LRRC8C: variants seen among roughly 807,000 people sequenced by gnomAD.
The protein encoded by LRRC8C is volume-regulated anion channel subunit LRRC8C.
Under a neutral mutation model 55.3 loss-of-function variants are expected in LRRC8C, and 20 were observed. The observed-to-expected ratio is 0.36, with a 90% CI of 0.25 to 0.53. LRRC8C has a LOEUF of 0.53. Ranked by LOEUF, LRRC8C falls within the 20% of genes least tolerant of loss-of-function variation. The pLI is 0.92. For synonymous variants in LRRC8C, 376 were observed against 360.7 expected, an observed-to-expected ratio of 1.04 and a Z score of -0.48; for missense variants, 659 against 951.4, an observed-to-expected ratio of 0.69 and a Z score of 4.04.
chr1:89,702,269 C>T (rs1056980148), intron 2 of LRRC8C, among the ~76,000 whole-genome samples: 59 of 151,676 alleles, frequency 3.9e-4, no homozygotes, highest in African/African-American at 1.4e-3. Flanking sequence ...TACACCTACT[C>T]AGGATGCGTC....
At chr1:89,624,431 G>A in the LRRC8C span, among the ~76,000 whole-genome samples, 1 of 152,158 alleles carries the variant, frequency 6.6e-6, no homozygotes, top group Non-Finnish European at 1.5e-5. Flanking sequence ...TTCTATATCA[G>A]TTTCAGCTAT....
At chr1:89,706,940 T>C (rs1451267000) in intron 2 of LRRC8C, among the ~76,000 whole-genome samples, 2 of 152,206 alleles carry the variant, frequency 1.3e-5, no homozygotes, top group African/African-American at 4.8e-5. Context: ...ATCCAAATTT[T>C]AGTGAATCCA....
intron 2 of LRRC8C, among the ~76,000 whole-genome samples, chr1:89,696,898 C>A (rs1658189732): frequency 6.6e-6 from 1 of 152,172 alleles, no homozygotes; most frequent in African/African-American, 2.4e-5. Flanking sequence ...AGATGAAATT[C>A]TCCCTCTATA....
intron 1 of LRRC8C, among the ~76,000 whole-genome samples, chr1:89,660,302 A>T (rs1302342794): frequency 6.6e-6 from 1 of 152,168 alleles, no homozygotes. Flanking sequence ...TTTTTATCAC[A>T]AACAGAAGAA....
chr1:89,707,338 C>T (rs1314874283), intron 2 of LRRC8C, among the ~76,000 whole-genome samples: 7 of 151,912 alleles, frequency 4.6e-5, no homozygotes, highest in Non-Finnish European at 1.0e-4. Flanking sequence ...ACCCGGGAGG[C>T]GGAGGTTGCA....
At chr1:89,694,195 C>T (rs1358463837) in intron 2 of LRRC8C, among the ~76,000 whole-genome samples, 2 of 151,956 alleles carry the variant, frequency 1.3e-5, no homozygotes, top group African/African-American at 4.8e-5. Context: ...TTTGAACTGA[C>T]ACTTTTGATC....
chr1:89,686,330 T>C, intron 1 of LRRC8C, 140 bp from the exon 2 acceptor site: 1 of 758,344 alleles, frequency 1.3e-6, no homozygotes, highest in Non-Finnish European at 2.1e-6. Flanking sequence ...ATTCAGTGGC[T>C]CATCAAAACA....
intron 1 of LRRC8C, among the ~76,000 whole-genome samples, chr1:89,681,694 G>A (rs1184130101): frequency 6.6e-6 from 1 of 152,080 alleles, no homozygotes; most frequent in Non-Finnish European, 1.5e-5. Context: ...AGAACAGCAT[G>A]GGAAAAACCT....
intron 2 of LRRC8C, among the ~76,000 whole-genome samples, chr1:89,696,941 A>G (rs1266897551): frequency 6.6e-6 from 1 of 152,270 alleles, no homozygotes; most frequent in Middle Eastern, 3.4e-3. Context: ...AATGTGTGGA[A>G]CCTGTCTTAT....
At chr1:89,629,371 T>C (rs1189174425), upstream of LRRC8C, among the ~76,000 whole-genome samples, 1 of 152,024 alleles carries the variant, frequency 6.6e-6, no homozygotes, top group Non-Finnish European at 1.5e-5. Flanking sequence ...CTGCTGGTGG[T>C]TTTGGTTTAG....
chr1:89,712,971 A>G lies in LRRC8C; in HGVS notation c.401A>G (p.His134Arg). 6.2e-7 allele frequency: 1 copy of G among 1,613,580 alleles called. No individual in the cohort carries two copies. Among genetic ancestry groups the G allele is most frequent in the East Asian group, 2.2e-5 (1 of 44,888 alleles). The change falls in exon 3 of 3, where the codon CAT (histidine) becomes CGT (arginine). Residue 134 changes from histidine to arginine, a missense_variant. His to Arg is a conservative substitution (Grantham distance 29). This residue lies in a region of LRRC8C where 200 missense variants were observed against 360.5 expected (regional missense o/e 0.55). Transcript: ENST00000370454. ...TATTTCCCTTACCTTGTCCTCATCC[A>G]TACCCTGGTCTTTATGCTCTGCAGT... is the stretch of plus-strand genomic sequence containing the variant. ...AKYFPYLVLI[H>R]TLVFMLCSNF...
At chr1:89,690,827 C>T (rs1206322777) in intron 2 of LRRC8C, among the ~76,000 whole-genome samples, 1 of 152,184 alleles carries the variant, frequency 6.6e-6, no homozygotes, top group Non-Finnish European at 1.5e-5. Flanking sequence ...CCACTCTTAC[C>T]TCGCACAATC....
At chr1:89,681,908 C>T (rs1179496573) in intron 1 of LRRC8C, among the ~76,000 whole-genome samples, 1 of 152,024 alleles carries the variant, frequency 6.6e-6, no homozygotes, top group Non-Finnish European at 1.5e-5. Context: ...TTAAATGCGG[C>T]TGGGCACGCC....
intron 1 of LRRC8C, among the ~76,000 whole-genome samples, chr1:89,680,653 C>T (rs1038345087): frequency 4.0e-5 from 6 of 148,442 alleles, no homozygotes; most frequent in Middle Eastern, 3.6e-3. Flanking sequence ...CTCTGACTCC[C>T]GGGTTCAAGC....
intron 1 of LRRC8C, among the ~76,000 whole-genome samples, chr1:89,684,732 T>C (rs1260039602): frequency 6.6e-6 from 1 of 152,238 alleles, no homozygotes; most frequent in Admixed American, 6.5e-5. Flanking sequence ...AAGTAATGTA[T>C]TGAGCTTTTG....
At chr1:89,658,159 G>A (rs1328114887) in intron 1 of LRRC8C, among the ~76,000 whole-genome samples, 1 of 152,088 alleles carries the variant, frequency 6.6e-6, no homozygotes, top group African/African-American at 2.4e-5. Context: ...TTTAACTAGC[G>A]TTTCTGGTAT....
At chr1:89,710,713 C>T (rs997616838) in intron 2 of LRRC8C, among the ~76,000 whole-genome samples, 1 of 152,206 alleles carries the variant, frequency 6.6e-6, no homozygotes, top group African/African-American at 2.4e-5. Flanking sequence ...GAAACCTCCT[C>T]TCTTCCCGCA....
At chr1:89,635,676 T>C (rs1656258535) in intron 1 of LRRC8C, among the ~76,000 whole-genome samples, 2 of 152,254 alleles carry the variant, frequency 1.3e-5, no homozygotes, top group Non-Finnish European at 2.9e-5. Context: ...TAAAGTTTTC[T>C]GCCCAGCGTT....
upstream of LRRC8C, chr1:89,631,757 C>G (rs185784548): frequency 6.6e-6 from 1 of 152,150 alleles, no homozygotes; most frequent in East Asian, 1.9e-4. Flanking sequence ...GCTCCTAAGG[C>G]CTAAGAGAAT....
Sources: allele counts gnomAD v4.1 joint callset (sites outside exome capture counted in the v4.1 genomes callset), GRCh38; gene constraint gnomAD v4.1.1; regional missense constraint gnomAD v4.1.1; transcripts MANE v1.5; gene names NCBI Gene and HGNC (gene_info 2026-07-23, HGNC 2026-07-21).